KHDRBS2: variants seen among roughly 807,000 people sequenced by gnomAD.
The protein encoded by KHDRBS2 is KH RNA binding domain containing, signal transduction associated 2.
KHDRBS2 carries 26 observed loss-of-function variants against 44.3 expected under a neutral mutation model. The observed-to-expected ratio is 0.59, with a 90% CI of 0.43 to 0.81. The LOEUF is 0.81. Ranked by LOEUF, KHDRBS2 falls within the 40% of genes least tolerant of loss-of-function variation. KHDRBS2 has a pLI of 0.00. For missense variants in KHDRBS2, 476 were observed against 433.1 expected (o/e 1.10, Z -0.88); for synonymous variants, 194 against 151.1 (o/e 1.28, Z -2.08).
At chr6:61,815,776 G>A (rs990964277) in intron 6 of KHDRBS2, among the ~76,000 whole-genome samples, 3 of 152,142 alleles carry the variant, frequency 2.0e-5, no homozygotes, top group African/African-American at 7.2e-5. Context: ...ACTTTGAGTG[G>A]CTTCTTTATT....
At chr6:61,681,108 CA>C in intron 8 of KHDRBS2, 48 bp from the exon 9 acceptor site, 1 of 1,250,108 alleles carries the variant, frequency 8.0e-7, no homozygotes, top group Non-Finnish European at 1.2e-6. Flanking sequence ...TCACAGTTAC[CA>C]AAAATAGTCA....
chr6:61,590,274 C>T, the KHDRBS2 span, among the ~76,000 whole-genome samples: 3 of 152,100 alleles, frequency 2.0e-5, no homozygotes, highest in African/African-American at 4.8e-5. Context: ...ATTGAGTTTG[C>T]ACTCCAGAAA....
chr6:61,770,904 AT>A (rs1419539289), intron 6 of KHDRBS2, among the ~76,000 whole-genome samples: 2 of 152,232 alleles, frequency 1.3e-5, no homozygotes, highest in African/African-American at 4.8e-5. Context: ...GAAAGTTGAA[AT>A]GAAGGAAAAA....
chr6:62,046,439 T>A (rs1787710386), intron 3 of KHDRBS2, among the ~76,000 whole-genome samples: 1 of 151,744 alleles, frequency 6.6e-6, no homozygotes. Flanking sequence ...GATAAAAGAG[T>A]ACTTAGCCTA....
intron 6 of KHDRBS2, among the ~76,000 whole-genome samples, chr6:61,837,939 A>G (rs1583089789): frequency 6.6e-6 from 1 of 151,992 alleles, no homozygotes; most frequent in East Asian, 1.9e-4. Flanking sequence ...ATAACTGAGA[A>G]TTATCTTGAA....
intron 2 of KHDRBS2, among the ~76,000 whole-genome samples, chr6:62,056,251 C>T (rs1341825700): frequency 6.6e-6 from 1 of 151,742 alleles, no homozygotes; most frequent in Non-Finnish European, 1.5e-5. Flanking sequence ...ATGAATTACT[C>T]ATAACTATAT....
chr6:61,861,704 G>A (rs778965646), intron 6 of KHDRBS2, among the ~76,000 whole-genome samples: 3 of 149,140 alleles, frequency 2.0e-5, no homozygotes, highest in Non-Finnish European at 3.0e-5. Context: ...AGGCTCTTTT[G>A]GAGTTCCATA....
At chr6:62,169,305 A>T (rs1819531979) in intron 2 of KHDRBS2, among the ~76,000 whole-genome samples, 1 of 151,372 alleles carries the variant, frequency 6.6e-6, no homozygotes, top group African/African-American at 2.4e-5. Flanking sequence ...GTGCGCCTAG[A>T]ATCAACCTCC....
At chr6:61,580,731 A>G in the KHDRBS2 span, among the ~76,000 whole-genome samples, 2 of 151,992 alleles carry the variant, frequency 1.3e-5, no homozygotes, top group Non-Finnish European at 2.9e-5. Flanking sequence ...CTCGCTGTGA[A>G]GGTCTGCGGC....
intron 4 of KHDRBS2, among the ~76,000 whole-genome samples, chr6:61,973,588 T>C (rs1380529687): frequency 1.3e-5 from 2 of 152,134 alleles, no homozygotes; most frequent in Non-Finnish European, 2.9e-5. Context: ...ATCCAACTAA[T>C]GCAGGAAAGA....
intron 4 of KHDRBS2, among the ~76,000 whole-genome samples, chr6:61,914,932 ATGT>A (rs1806721599): frequency 6.6e-6 from 1 of 152,170 alleles, no homozygotes; most frequent in Non-Finnish European, 1.5e-5. Context: ...ATCCAGGTAG[ATGT>A]CCATGTGTGA....
chr6:61,555,804 A>C, the KHDRBS2 span, among the ~76,000 whole-genome samples: 1 of 151,782 alleles, frequency 6.6e-6, no homozygotes, highest in East Asian at 1.9e-4. Flanking sequence ...TCAGATCAAC[A>C]CTCCTGGGCT....
rs1794795271 is a variant in KHDRBS2 at position 61,848,492 on chromosome 6, T to TATATATAC, written c.810+46142_810+46143insGTATATAT. On this transcript the variant is annotated intron_variant, in intron 6 of 8. Coordinates refer to ENST00000281156, the MANE Select transcript of KHDRBS2 (RefSeq NM_152688.4). ...TTTTATATATATATATATATATATG[T>TATATATAC]ATATATATATATATATATGTATATA... 2.7e-4 allele frequency among the ~76,000 whole-genome samples: 8 copies of TATATATAC among 30,136 alleles called. 1 individual carries two copies. Among genetic ancestry groups the TATATATAC allele is most frequent in the South Asian group, 1.3e-3 (1 of 746 alleles). The allele number at this position is 30,136 out of a possible 152,430, so 19.8% of individuals were successfully genotyped here.
At chr6:61,562,290 C>T in the KHDRBS2 span, among the ~76,000 whole-genome samples, 1 of 152,244 alleles carries the variant, frequency 6.6e-6, no homozygotes, top group Admixed American at 6.5e-5. Context: ...TCAATGTTAT[C>T]TAATTTGGAC....
intron 3 of KHDRBS2, among the ~76,000 whole-genome samples, chr6:62,007,913 G>T (rs922209663): frequency 1.3e-5 from 2 of 152,038 alleles, no homozygotes; most frequent in African/African-American, 4.8e-5. Context: ...GCAAAATATG[G>T]TAGAGATAAC....
intron 2 of KHDRBS2, among the ~76,000 whole-genome samples, chr6:62,060,389 A>G (rs1584427117): frequency 1.3e-5 from 2 of 151,902 alleles, no homozygotes; most frequent in East Asian, 3.9e-4. Flanking sequence ...GAGGATTGGA[A>G]GACTACACAA....
chr6:61,990,104 T>TA (rs1396043996), intron 3 of KHDRBS2, among the ~76,000 whole-genome samples: 15 of 152,188 alleles, frequency 9.9e-5, no homozygotes, highest in Admixed American at 9.8e-4. Context: ...CTCATGCCTC[T>TA]ACGTGGACCA....
the KHDRBS2 span, among the ~76,000 whole-genome samples, chr6:61,619,998 G>T: frequency 6.6e-6 from 1 of 152,038 alleles, no homozygotes; most frequent in African/African-American, 2.4e-5. Flanking sequence ...TTGTGTAAGG[G>T]TTGTTGTGAG....
At chr6:61,621,891 G>A in the KHDRBS2 span, among the ~76,000 whole-genome samples, 1 of 152,184 alleles carries the variant, frequency 6.6e-6, no homozygotes, top group Non-Finnish European at 1.5e-5. Flanking sequence ...GGGATCCCAT[G>A]AGAAGGTATT....
Sources: allele counts gnomAD v4.1 joint callset (sites outside exome capture counted in the v4.1 genomes callset), GRCh38; gene constraint gnomAD v4.1.1; transcripts MANE v1.5; gene names NCBI Gene and HGNC (gene_info 2026-07-23, HGNC 2026-07-21).